Variants in XKR6 observed in about 807,000 individuals in gnomAD.
The protein encoded by XKR6 is XK-related protein 6.
Under a neutral mutation model 56.7 loss-of-function variants are expected in XKR6, and 22 were observed. That is an observed-to-expected ratio of 0.39 (90% CI 0.28 to 0.55). XKR6 has a LOEUF of 0.55. Among genes scored for constraint, XKR6 ranks in the 20% least tolerant of loss-of-function variants. XKR6 has a pLI of 0.66. For missense variants in XKR6, 852 were observed against 889.0 expected (o/e 0.96, Z 0.53); for synonymous variants, 524 against 387.8 (o/e 1.35, Z -4.13).
In XKR6 at chr8:10,912,673, T is replaced by G. The variant is rs372047343; in HGVS notation, c.961+11961A>C. Reference sequence around the variant, plus strand: ...GTGTCTATATGTGTGTCTATATATATAGAGAGGGTGAGTGTATATATATAT... The same window carrying G: ...GTGTCTATATGTGTGTCTATATATAGAGAGAGGGTGAGTGTATATATATAT... On this transcript the variant is annotated intron_variant, in intron 2 of 2. Coordinates refer to ENST00000416569, the MANE Select transcript of XKR6 (RefSeq NM_173683.4). Among the ~76,000 whole-genome samples the G allele has an allele frequency of 3.9e-4, 51 of 130,056 alleles. 1 individual carries two copies. The highest frequency in any genetic ancestry group is 1.3e-3 in the East Asian group (6 of 4,722). The allele number at this position is 130,056 out of a possible 152,430, so 85.3% of individuals were successfully genotyped here. A position where few individuals can be genotyped will look rare whatever the true frequency, so the allele number is the denominator to read the frequency against.
At chr8:11,092,036 G>A (rs998999405) in intron 1 of XKR6, among the ~76,000 whole-genome samples, 4 of 152,090 alleles carry the variant, frequency 2.6e-5, no homozygotes, top group African/African-American at 9.7e-5. Flanking sequence ...ACACCCACTG[G>A]GGTCAAAGGT....
chr8:11,144,514 G>T (rs756083889), intron 1 of XKR6, among the ~76,000 whole-genome samples: 10 of 151,944 alleles, frequency 6.6e-5, no homozygotes, highest in Non-Finnish European at 1.3e-4. Flanking sequence ...AGACCAGGGC[G>T]CAGGCACAGG....
At chr8:11,154,809 T>G (rs1171514505) in intron 1 of XKR6, among the ~76,000 whole-genome samples, 1 of 152,212 alleles carries the variant, frequency 6.6e-6, no homozygotes, top group African/African-American at 2.4e-5. Flanking sequence ...AAAACAAAAG[T>G]ACCTTGTCTT....
At position 10,958,295 on chromosome 8, in the gene XKR6, C is replaced by G. The variant is rs376046028; in HGVS notation, c.765-33465G>C. ...CTGTGAAGAGCCTGGGAAACAGAGG[C>G]CTGAGTGCTGGGGCTTGGGGAGCAT... is the stretch of plus-strand genomic sequence containing the variant. On this transcript the variant is annotated intron_variant, in intron 1 of 2. Coordinates refer to ENST00000416569, the MANE Select transcript of XKR6 (RefSeq NM_173683.4). Among the ~76,000 whole-genome samples the G allele has an allele frequency of 1.5e-4, 23 of 152,336 alleles. No individual in the cohort carries two copies. In the East Asian group the frequency reaches 2.5e-3, roughly 17 times the overall value.
In XKR6 at chr8:11,168,464, C is replaced by G. The variant is rs558634773; in HGVS notation, c.764+32112G>C. 8.3e-4 allele frequency among the ~76,000 whole-genome samples: 126 copies of G among 152,178 alleles called. 1 individual carries two copies. Among genetic ancestry groups the G allele is most frequent in the Admixed American group, 1.4e-3 (21 of 15,294 alleles). ...TCTAGAATAATAGACTTCAATACAT[C>G]CTATTCAATAACAGATAGAAGAACT... On this transcript the variant is annotated intron_variant, in intron 1 of 2. Coordinates refer to ENST00000416569, the MANE Select transcript of XKR6 (RefSeq NM_173683.4).
intron 1 of XKR6, among the ~76,000 whole-genome samples, chr8:11,089,255 A>G (rs1320351186): frequency 6.6e-6 from 1 of 152,218 alleles, no homozygotes; most frequent in Non-Finnish European, 1.5e-5. Flanking sequence ...AAGTCAGCTA[A>G]AAGAAAACCT....
At chr8:11,026,197 G>C (rs1798857719) in intron 1 of XKR6, among the ~76,000 whole-genome samples, 1 of 151,872 alleles carries the variant, frequency 6.6e-6, no homozygotes, top group Non-Finnish European at 1.5e-5. Flanking sequence ...CACCTAGATG[G>C]TCTAGCCTAC....
intron 1 of XKR6, among the ~76,000 whole-genome samples, chr8:11,123,173 G>C (rs1352276327): frequency 6.6e-6 from 1 of 150,592 alleles, no homozygotes; most frequent in African/African-American, 2.4e-5. Flanking sequence ...GGAGGTGGAG[G>C]TCGCAGTGAG....
At chr8:11,066,655 C>T (rs997719353) in intron 1 of XKR6, among the ~76,000 whole-genome samples, 18 of 152,222 alleles carry the variant, frequency 1.2e-4, no homozygotes, top group East Asian at 1.9e-4. Context: ...CTCCAAAGCA[C>T]GTGGACAGCA....
intron 1 of XKR6, among the ~76,000 whole-genome samples, chr8:11,104,526 G>A (rs556414273): frequency 2.1e-4 from 32 of 152,188 alleles, no homozygotes; most frequent in Non-Finnish European, 4.3e-4. Flanking sequence ...AATCCCTCAT[G>A]GATTCATCCT....
chr8:11,048,262 G>A (rs1338378600), intron 1 of XKR6, among the ~76,000 whole-genome samples: 1 of 152,088 alleles, frequency 6.6e-6, no homozygotes, highest in African/African-American at 2.4e-5. Context: ...TCCGGCCCTT[G>A]TTTCTCAACA....
chr8:11,061,483 T>C (rs1212187727), intron 1 of XKR6, among the ~76,000 whole-genome samples: 2 of 147,668 alleles, frequency 1.4e-5, no homozygotes, highest in African/African-American at 5.1e-5. Context: ...AAAAAAAAAT[T>C]TCTGAACCAG....
chr8:10,929,474 T>C (rs1158258034), intron 1 of XKR6, among the ~76,000 whole-genome samples: 4 of 152,232 alleles, frequency 2.6e-5, no homozygotes, highest in Non-Finnish European at 5.9e-5. Context: ...TGCTGTTGAC[T>C]GCTCCTGCCC....
chr8:11,126,112 A>G (rs913594097), intron 1 of XKR6: 5 of 150,240 alleles, frequency 3.3e-5, no homozygotes, highest in Admixed American at 2.7e-4. Context: ...TCTGTCGCCC[A>G]GACTGAAGTG....
chr8:10,946,032 C>A (rs892811558), intron 1 of XKR6, among the ~76,000 whole-genome samples: 11 of 152,064 alleles, frequency 7.2e-5, no homozygotes, highest in African/African-American at 2.4e-4. Context: ...GCGCCCTGTG[C>A]TTTTCAGCGT....
intron 1 of XKR6, among the ~76,000 whole-genome samples, chr8:10,938,928 T>C (rs893841894): frequency 6.6e-6 from 1 of 152,210 alleles, no homozygotes; most frequent in African/African-American, 2.4e-5. Flanking sequence ...AAATTACTTA[T>C]TCAAAATTGA....
At chr8:11,075,995 G>C (rs1358646437) in intron 1 of XKR6, among the ~76,000 whole-genome samples, 1 of 152,188 alleles carries the variant, frequency 6.6e-6, no homozygotes, top group Non-Finnish European at 1.5e-5. Flanking sequence ...CATGAATGGA[G>C]AAACCCAACA....
chr8:11,069,946 G>C (rs1479224925), intron 1 of XKR6, among the ~76,000 whole-genome samples: 1 of 152,214 alleles, frequency 6.6e-6, no homozygotes, highest in Non-Finnish European at 1.5e-5. Context: ...CCAAGGATTA[G>C]TCAATAGAGG....
intron 1 of XKR6, among the ~76,000 whole-genome samples, chr8:11,013,863 G>T (rs1798554201): frequency 6.6e-6 from 1 of 152,200 alleles, no homozygotes; most frequent in Admixed American, 6.5e-5. Flanking sequence ...CCTGACCACG[G>T]CCCTGCCTTC....
Sources: gnomAD v4.1 joint callset for allele counts (sites outside exome capture counted in the v4.1 genomes callset) on GRCh38, gnomAD v4.1.1 for gene constraint, MANE v1.5 for transcripts, NCBI Gene and HGNC (gene_info 2026-07-23, HGNC 2026-07-21) for gene names.